The following GRIA1 variants were observed in gnomAD, a reference collection of about 807,000 sequenced individuals.
The protein encoded by GRIA1 is glutamate receptor 1.
Under a neutral mutation model 99.2 loss-of-function variants are expected in GRIA1, and 31 were observed. That is an observed-to-expected ratio of 0.31 (90% CI 0.23 to 0.42). The LOEUF is 0.42. GRIA1 is among the 10% of genes least tolerant of loss of function. The pLI is 1.00. For synonymous variants in GRIA1, 438 were observed against 432.4 expected (o/e 1.01, Z -0.16); for missense variants, 782 against 1,157.5 (o/e 0.68, Z 4.71).
chr5:153,641,222 G>C (rs1213523153), intron 2 of GRIA1, among the ~76,000 whole-genome samples: 1 of 152,074 alleles, frequency 6.6e-6, no homozygotes, highest in African/African-American at 2.4e-5. Flanking sequence ...TTACAATGAG[G>C]CTGCCACATT....
intron 11 of GRIA1, among the ~76,000 whole-genome samples, chr5:153,723,429 G>C (rs1329783382): frequency 2.0e-5 from 3 of 152,244 alleles, no homozygotes; most frequent in Non-Finnish European, 4.4e-5. Flanking sequence ...ACGAGCTGAA[G>C]CAGGGCGAGG....
chr5:153,780,222 G>A (rs1225333685), intron 13 of GRIA1, among the ~76,000 whole-genome samples: 2 of 152,204 alleles, frequency 1.3e-5, no homozygotes, highest in African/African-American at 4.8e-5. Context: ...TACAAAGGAA[G>A]ACCAGGAAAG....
At chr5:153,568,888 T>C (rs1196937415) in intron 2 of GRIA1, among the ~76,000 whole-genome samples, 2 of 152,170 alleles carry the variant, frequency 1.3e-5, no homozygotes, top group Non-Finnish European at 2.9e-5. Flanking sequence ...TCCCAGAGAA[T>C]CTGTTGTGTG....
At chr5:153,723,403 G>A (rs7712652) in intron 11 of GRIA1, among the ~76,000 whole-genome samples, 77,685 of 151,634 alleles carry the variant, frequency 0.51, 20,693 homozygotes, top group East Asian at 0.94. Flanking sequence ...AGGACAGTGG[G>A]TGCAGCGCAC....
At position 153,711,228 on chromosome 5, in the gene GRIA1, C is replaced by T. The variant is rs548287010; in HGVS notation, c.1823+5161C>T. On this transcript the variant is annotated intron_variant, in intron 11 of 15. Transcript: ENST00000285900. ...AGCAAGGGAAGGATTGATTTGCATG[C>T]TAAAATACCACTCTGGGGAGCTATG... 1.5e-4 allele frequency among the ~76,000 whole-genome samples: 23 copies of T among 152,218 alleles called. No individual in the cohort carries two copies. The South Asian group carries it at 4.6e-3, about 30-fold the overall frequency.
intron 1 of GRIA1, among the ~76,000 whole-genome samples, chr5:153,492,502 T>C (rs1472394331): frequency 1.3e-5 from 2 of 152,184 alleles, no homozygotes; most frequent in Non-Finnish European, 2.9e-5. Flanking sequence ...GGGAGCATCA[T>C]AATCAAGAAT....
intron 2 of GRIA1, among the ~76,000 whole-genome samples, chr5:153,498,223 A>G (rs1388308239): frequency 6.6e-6 from 1 of 152,166 alleles, no homozygotes; most frequent in South Asian, 2.1e-4. Flanking sequence ...CCCCATCTAC[A>G]TGGCCTCTTT....
At chr5:153,538,858 G>T (rs140516438) in intron 2 of GRIA1, among the ~76,000 whole-genome samples, 2 of 152,246 alleles carry the variant, frequency 1.3e-5, no homozygotes, top group African/African-American at 4.8e-5. Context: ...TCCTCTGGAT[G>T]GTTATGATCC....
At chr5:153,589,955 A>G (rs1275170383) in intron 2 of GRIA1, among the ~76,000 whole-genome samples, 2 of 152,180 alleles carry the variant, frequency 1.3e-5, no homozygotes, top group Non-Finnish European at 1.5e-5. Flanking sequence ...TATTGCTGTC[A>G]CAAATGGTGT....
chr5:153,497,754 AG>A (rs990886663), intron 2 of GRIA1, among the ~76,000 whole-genome samples: 1 of 152,220 alleles, frequency 6.6e-6, no homozygotes, highest in Admixed American at 6.5e-5. Context: ...AGCATTTTTG[AG>A]CCCTCAACCA....
intron 13 of GRIA1, among the ~76,000 whole-genome samples, chr5:153,787,440 A>G (rs932120770): frequency 6.6e-6 from 1 of 152,150 alleles, no homozygotes; most frequent in South Asian, 2.1e-4. Context: ...GATGACCCAC[A>G]ACCATCATCT....
Position 153,812,664 on chromosome 5 carries a change from G to A in GRIA1, c.*1439G>A, listed in dbSNP as rs2149685685. On this transcript the variant is annotated 3_prime_UTR_variant, in exon 16 of 16. Coordinates refer to ENST00000285900, the MANE Select transcript of GRIA1 (RefSeq NM_000827.4). ...GTTGTATTCCAATATACGTATGATT[G>A]GGGCTACAAAGCTGAACTAAAGCAA... 1 of 152,302 alleles carries A rather than the reference G, an allele frequency of 6.6e-6. No individual in the cohort carries two copies. The highest frequency in any genetic ancestry group is 2.4e-5 in the African/African-American group (1 of 41,566). The allele number at this position is 152,302 out of a possible 1,614,324, so 9.4% of individuals were successfully genotyped here.
At chr5:153,654,759 G>A (rs972254891) in intron 4 of GRIA1, among the ~76,000 whole-genome samples, 6 of 152,116 alleles carry the variant, frequency 3.9e-5, no homozygotes, top group African/African-American at 1.4e-4. Flanking sequence ...TCTGTTATAT[G>A]TCTCCTTGCA....
chr5:153,599,597 CT>C (rs1764718900), intron 2 of GRIA1, among the ~76,000 whole-genome samples: 1 of 152,082 alleles, frequency 6.6e-6, no homozygotes, highest in African/African-American at 2.4e-5. Context: ...AGCTGCCACA[CT>C]TTATTATTTT....
At chr5:153,600,675 T>A (rs1764868145) in intron 2 of GRIA1, among the ~76,000 whole-genome samples, 1 of 152,112 alleles carries the variant, frequency 6.6e-6, no homozygotes, top group Admixed American at 6.6e-5. Context: ...CTTGCCAGGC[T>A]GGGGGGCCAA....
intron 2 of GRIA1, among the ~76,000 whole-genome samples, chr5:153,518,399 T>C (rs988258342): frequency 6.6e-6 from 1 of 152,198 alleles, no homozygotes; most frequent in Non-Finnish European, 1.5e-5. Flanking sequence ...AAGTGCTTAG[T>C]AGACATTTAT....
rs1038929905 is a variant in GRIA1, at chr5:153,570,837, T to C, written c.221-76091T>C. ...CATAACAATTGAGTACTAGTATTAC[T>C]ATTATTTATTAATAATTCCTATAGT... On this transcript the variant is annotated intron_variant, in intron 2 of 15. Transcript: ENST00000285900. Among the ~76,000 whole-genome samples the C allele has an allele frequency of 2.0e-5, 3 of 152,206 alleles. No individual in the cohort carries two copies. In the East Asian group the frequency reaches 5.8e-4, roughly 29 times the overall value.
At chr5:153,548,811 G>T (rs1759847379) in intron 2 of GRIA1, among the ~76,000 whole-genome samples, 1 of 152,048 alleles carries the variant, frequency 6.6e-6, no homozygotes, top group Non-Finnish European at 1.5e-5. Context: ...CATATGTTGG[G>T]TTTTTTATTA....
At chr5:153,754,977 A>G (rs1762733482) in intron 11 of GRIA1, among the ~76,000 whole-genome samples, 1 of 152,184 alleles carries the variant, frequency 6.6e-6, no homozygotes, top group African/African-American at 2.4e-5. Flanking sequence ...TAAAAATGTA[A>G]TGATTAGGAT....
Sources: gnomAD v4.1 joint callset for allele counts (sites outside exome capture counted in the v4.1 genomes callset) on GRCh38, gnomAD v4.1.1 for gene constraint, MANE v1.5 for transcripts, NCBI Gene and HGNC (gene_info 2026-07-23, HGNC 2026-07-21) for gene names.